The following DCLK1 variants were observed in gnomAD, a reference collection of about 807,000 sequenced individuals.
DCLK1 encodes the protein doublecortin like kinase 1.
A neutral mutation model predicts 86.2 loss-of-function variants in DCLK1; 16 were observed. The observed-to-expected ratio is 0.19, with a 90% CI of 0.13 to 0.28. The LOEUF (loss-of-function observed/expected upper bound fraction) is 0.28, where lower values mean the gene tolerates loss of function less well. Ranked by LOEUF, DCLK1 falls within the 10% of genes least tolerant of loss-of-function variation. The probability of loss-of-function intolerance (pLI) is 1.00; values close to 1 mark genes in which losing one functional copy is unlikely to be tolerated. For synonymous variants in DCLK1, 369 were observed against 370.5 expected (o/e 1.00, Z 0.05); for missense variants, 590 against 940.2 (o/e 0.63, Z 4.87).
At chr13:35,838,955 C>A in intron 7 of DCLK1, 137 bp downstream of exon 7, 1 of 741,448 alleles carries the variant, frequency 1.3e-6, no homozygotes, top group Non-Finnish European at 2.2e-6. Flanking sequence ...CATATTCAAC[C>A]CTATCCCCTT....
chr13:35,997,835 G>C lies in DCLK1; in HGVS notation c.724-50378C>G, dbSNP rs1376044768. Among the ~76,000 whole-genome samples the C allele has an allele frequency of 2.0e-5, 3 of 152,298 alleles. No individual in the cohort carries two copies. In the South Asian group the frequency reaches 6.2e-4, roughly 32 times the overall value. ...ATGTTTTGACTAACCAGAATGCATAGGTCCTGGGGTGTTTTGGGTAGCTTG... is the reference window on the plus strand; with the variant it reads ...ATGTTTTGACTAACCAGAATGCATACGTCCTGGGGTGTTTTGGGTAGCTTG... On this transcript the variant is annotated intron_variant, in intron 3 of 16. Transcript: ENST00000360631.
intron 3 of DCLK1, among the ~76,000 whole-genome samples, chr13:36,028,468 G>T (rs920326066): frequency 1.3e-5 from 2 of 152,098 alleles, no homozygotes; most frequent in Non-Finnish European, 2.9e-5. Flanking sequence ...GAGACTCCTG[G>T]TCACCCTGTT....
chr13:35,877,564 G>T (rs1464604263), intron 4 of DCLK1, among the ~76,000 whole-genome samples: 5 of 152,200 alleles, frequency 3.3e-5, no homozygotes, highest in African/African-American at 1.2e-4. Context: ...CTTTGAACAA[G>T]AAATGGTTTT....
intron 3 of DCLK1, among the ~76,000 whole-genome samples, chr13:35,952,032 T>C (rs1877718244): frequency 6.6e-6 from 1 of 152,194 alleles, no homozygotes; most frequent in Non-Finnish European, 1.5e-5. Context: ...TTAATCTCTT[T>C]GTGTCTCGGT....
intron 3 of DCLK1, among the ~76,000 whole-genome samples, chr13:36,002,603 G>A (rs1345001130): frequency 2.0e-5 from 3 of 152,166 alleles, no homozygotes; most frequent in East Asian, 3.9e-4. Flanking sequence ...GACACAGAGA[G>A]AAGCTCATAC....
At chr13:35,955,502 C>A (rs1877930734) in intron 3 of DCLK1, among the ~76,000 whole-genome samples, 1 of 152,068 alleles carries the variant, frequency 6.6e-6, no homozygotes, top group South Asian at 2.1e-4. Flanking sequence ...CTAATCACCT[C>A]CCAAAGGCCC....
chr13:35,805,516 C>G, intron 15 of DCLK1, 183 bp downstream of exon 15: 2 of 531,654 alleles, frequency 3.8e-6, no homozygotes, highest in Non-Finnish European at 6.5e-6. Flanking sequence ...CCAAGCTGTC[C>G]TCGAACTCCT....
chr13:35,871,394 C>T, intron 4 of DCLK1, 54 bp from the exon 5 acceptor site: 1 of 1,371,714 alleles, frequency 7.3e-7, no homozygotes, highest in Non-Finnish European at 1.0e-6. Flanking sequence ...ACACACACAC[C>T]AACTCAAAAT....
intron 1 of DCLK1, among the ~76,000 whole-genome samples, chr13:36,129,336 T>G (rs1270132305): frequency 6.6e-6 from 1 of 152,384 alleles, no homozygotes; most frequent in African/African-American, 2.4e-5. Context: ...AAAAAAGGTT[T>G]ACTTTGTTTC....
At chr13:35,800,951 T>C (rs2086907555) in intron 15 of DCLK1, among the ~76,000 whole-genome samples, 1 of 151,442 alleles carries the variant, frequency 6.6e-6, no homozygotes, top group African/African-American at 2.4e-5. Context: ...CTTGAACTCC[T>C]GGCCTCAAAT....
At chr13:36,046,773 C>A (rs1415290513) in intron 3 of DCLK1, among the ~76,000 whole-genome samples, 1 of 152,140 alleles carries the variant, frequency 6.6e-6, no homozygotes, top group Non-Finnish European at 1.5e-5. Context: ...ACTAATGAGA[C>A]CAGAACAACA....
At chr13:35,832,933 G>A (rs1347446525) in intron 8 of DCLK1, among the ~76,000 whole-genome samples, 5 of 152,212 alleles carry the variant, frequency 3.3e-5, no homozygotes, top group Non-Finnish European at 7.3e-5. Context: ...CCAAATTCCA[G>A]TTCTGATGGA....
chr13:35,827,159 T>A (rs192476189), intron 10 of DCLK1, among the ~76,000 whole-genome samples: 4 of 152,342 alleles, frequency 2.6e-5, no homozygotes, highest in Admixed American at 2.6e-4. Context: ...CAGTACACTA[T>A]TCACATCATT....
chr13:35,797,732 T>G (rs1205854471), intron 15 of DCLK1, among the ~76,000 whole-genome samples: 1 of 152,118 alleles, frequency 6.6e-6, no homozygotes, highest in Non-Finnish European at 1.5e-5. Flanking sequence ...TTTTGAAGGT[T>G]TTCAGCATAA....
intron 4 of DCLK1, among the ~76,000 whole-genome samples, chr13:35,945,544 G>C (rs1339871163): frequency 6.6e-6 from 1 of 152,172 alleles, no homozygotes; most frequent in East Asian, 1.9e-4. Context: ...TTGACAGGCT[G>C]TTTTCTATAT....
chr13:35,890,209 C>A (rs557927311), intron 4 of DCLK1, among the ~76,000 whole-genome samples: 1 of 152,024 alleles, frequency 6.6e-6, no homozygotes, highest in Non-Finnish European at 1.5e-5. Context: ...TAGTTCAATA[C>A]GCTATAGATA....
intron 3 of DCLK1, among the ~76,000 whole-genome samples, chr13:36,059,476 G>A (rs1410790995): frequency 6.6e-6 from 1 of 151,906 alleles, no homozygotes; most frequent in Non-Finnish European, 1.5e-5. Flanking sequence ...ATAAAATCAA[G>A]ATCTTTGTCC....
At chr13:35,833,842 C>T (rs1274237814) in intron 8 of DCLK1, among the ~76,000 whole-genome samples, 4 of 152,164 alleles carry the variant, frequency 2.6e-5, no homozygotes, top group Admixed American at 2.6e-4. Flanking sequence ...CATATGTCCT[C>T]GTTCAGCAGG....
At chr13:35,810,688 A>C in intron 12 of DCLK1, 147 bp downstream of exon 12, 1 of 1,074,902 alleles carries the variant, frequency 9.3e-7, no homozygotes, top group Non-Finnish European at 1.3e-6. Flanking sequence ...TGTAAATGTT[A>C]AAGAATAAAA....
Sources: allele counts gnomAD v4.1 joint callset (sites outside exome capture counted in the v4.1 genomes callset), GRCh38; gene constraint gnomAD v4.1.1; transcripts MANE v1.5; gene names NCBI Gene and HGNC (gene_info 2026-07-23, HGNC 2026-07-21).